DNAH11: variants seen among roughly 807,000 people sequenced by gnomAD.
The protein encoded by DNAH11 is dynein axonemal heavy chain 11.
DNAH11 carries 442 observed loss-of-function variants against 526.0 expected under a neutral mutation model. The ratio of observed to expected loss-of-function variants is 0.84; its 90% CI spans 0.78 to 0.91. The LOEUF is 0.91. Ranked by LOEUF, DNAH11 falls within the 40% of genes least tolerant of loss-of-function variation. The pLI, the probability that DNAH11 is intolerant of heterozygous loss-of-function variation, is 0.00. For missense variants in DNAH11, 6,989 were observed against 5,448.7 expected (o/e 1.28, Z -8.90); for synonymous variants, 2,461 against 1,935.9 (o/e 1.27, Z -7.12).
chr7:21,762,719 A>G (rs1786975999), intron 54 of DNAH11, among the ~76,000 whole-genome samples: 1 of 152,198 alleles, frequency 6.6e-6, no homozygotes, highest in Admixed American at 6.5e-5. Flanking sequence ...AAAAAATGAA[A>G]TTGGACCTTG....
At chr7:21,767,488 G>A (rs1309726138) in intron 55 of DNAH11, among the ~76,000 whole-genome samples, 2 of 152,272 alleles carry the variant, frequency 1.3e-5, no homozygotes, top group African/African-American at 4.8e-5. Context: ...GACTTGCATC[G>A]TGTTAAGTCC....
chr7:21,730,067 A>G (rs189330785), intron 45 of DNAH11, among the ~76,000 whole-genome samples: 6 of 152,380 alleles, frequency 3.9e-5, no homozygotes, highest in East Asian at 1.9e-4. Flanking sequence ...GGAAAACAGT[A>G]TGGAGGTTCC....
intron 48 of DNAH11, 81 bp downstream of exon 48, chr7:21,739,754 C>A: frequency 9.2e-7 from 1 of 1,083,026 alleles, no homozygotes; most frequent in Non-Finnish European, 1.4e-6. Context: ...TCCTATGGGA[C>A]ATCTTGTTAA....
chr7:21,828,763 T>TG (rs1356199780), intron 65 of DNAH11, among the ~76,000 whole-genome samples: 2 of 149,400 alleles, frequency 1.3e-5, no homozygotes, highest in Non-Finnish European at 3.0e-5. Context: ...TTTCTGGGTT[T>TG]TTTTTTTTTT....
intron 44 of DNAH11, 134 bp from the exon 45 acceptor site, chr7:21,725,677 C>T (rs1229650077): frequency 3.7e-6 from 3 of 811,950 alleles, no homozygotes; most frequent in African/African-American, 1.7e-5. Flanking sequence ...AATTATTTCA[C>T]AAAATTTGTG....
chr7:21,568,291 C>T lies in DNAH11; in HGVS notation c.1195-1778C>T, dbSNP rs1361693560. ...GTTTGTGCTGGTACCATTGAGTGTG[C>T]GATGATAGAGCTGGTGTGGTTAGGC... On this transcript the variant is annotated intron_variant, in intron 6 of 81. Transcript: ENST00000409508. Among the ~76,000 whole-genome samples, 14 of 152,112 alleles carry T rather than the reference C, an allele frequency of 9.2e-5. No individual in the cohort carries two copies. The East Asian group carries it at 2.7e-3, about 29-fold the overall frequency.
chr7:21,576,230 G>A (rs1297716872), intron 8 of DNAH11, among the ~76,000 whole-genome samples: 1 of 152,178 alleles, frequency 6.6e-6, no homozygotes, highest in Non-Finnish European at 1.5e-5. Flanking sequence ...GAAGGACAGC[G>A]ATTCATCTTG....
intron 70 of DNAH11, among the ~76,000 whole-genome samples, chr7:21,864,922 C>G (rs1783215737): frequency 6.6e-6 from 1 of 152,238 alleles, no homozygotes. Context: ...TGATAAAAGC[C>G]AAGTGATACA....
At chr7:21,552,271 T>G (rs2128428006) in intron 2 of DNAH11, among the ~76,000 whole-genome samples, 1 of 152,288 alleles carries the variant, frequency 6.6e-6, no homozygotes, top group East Asian at 1.9e-4. Flanking sequence ...TTGCAAGGGG[T>G]CGGGTTTCTC....
chr7:21,705,519 A>T lies in DNAH11; in HGVS notation c.6528A>T (p.Ala2176=), dbSNP rs1484735252. 1 of 1,613,566 alleles carries T rather than the reference A, an allele frequency of 6.2e-7. No individual in the cohort carries two copies. Among genetic ancestry groups the T allele is most frequent in the South Asian group, 1.1e-5 (1 of 91,062 alleles). ...VRHSVFVVGN[A]GTGKSKILRT... ...ACTCGGTCTTTGTAGTTGGAAATGC[A>T]GGCACAGGAAAGAGTAAGGTATAGT... Residue 2176 remains alanine (A), a synonymous_variant, in exon 39 of 82, where the codon GCA becomes GCT. Coordinates refer to ENST00000409508, the MANE Select transcript of DNAH11 (RefSeq NM_001277115.2).
chr7:21,565,547 G>A (rs185932337), intron 6 of DNAH11, among the ~76,000 whole-genome samples: 18 of 152,284 alleles, frequency 1.2e-4, no homozygotes, highest in Middle Eastern at 3.4e-3. Context: ...GTATGAGGTT[G>A]CATTGTTAAT....
intron 14 of DNAH11, among the ~76,000 whole-genome samples, chr7:21,599,255 T>A (rs1005814207): frequency 6.6e-6 from 1 of 152,194 alleles, no homozygotes; most frequent in Admixed American, 6.5e-5. Context: ...CTGTTATTTT[T>A]TGACTTTTTA....
At chr7:21,559,494 A>G (rs1783362521) in intron 3 of DNAH11, 109 bp from the exon 4 acceptor site, 10 of 916,256 alleles carry the variant, frequency 1.1e-5, no homozygotes, top group Non-Finnish European at 1.6e-5. Flanking sequence ...ATTTTCAAGA[A>G]TTTATTTTTA....
intron 29 of DNAH11, among the ~76,000 whole-genome samples, chr7:21,656,287 A>G (rs1782012934): frequency 6.6e-6 from 1 of 152,206 alleles, no homozygotes; most frequent in South Asian, 2.1e-4. Flanking sequence ...CAACTCAGTG[A>G]CTGAGTCTGC....
rs899450588 is a variant in DNAH11 at position 21,591,241 on chromosome 7, C to G, written c.2331C>G (p.Leu777=). 13 of 1,592,894 alleles carry G rather than the reference C, an allele frequency of 8.2e-6. No individual in the cohort carries two copies. Among genetic ancestry groups the G allele is most frequent in the Non-Finnish European group, 1.0e-5 (12 of 1,169,032 alleles). The change falls in exon 14 of 82, where the codon CTC becomes CTG. Residue 777 remains leucine, a synonymous_variant. Coordinates refer to ENST00000409508, the MANE Select transcript of DNAH11 (RefSeq NM_001277115.2). ...VQGYNKLKQT[L]LEVEYPLIED... ...GGTATAATAAACTCAAACAGACGCT[C>G]CTGGAAGTTGAATACCCTCTGATTG...
At chr7:21,887,056 C>G (rs1158806540) in intron 76 of DNAH11, among the ~76,000 whole-genome samples, 1 of 152,216 alleles carries the variant, frequency 6.6e-6, no homozygotes, top group African/African-American at 2.4e-5. Context: ...ACTTCATCTG[C>G]AGGACATCTT....
At chr7:21,709,089 G>C (rs1784371419) in intron 40 of DNAH11, among the ~76,000 whole-genome samples, 1 of 152,070 alleles carries the variant, frequency 6.6e-6, no homozygotes, top group African/African-American at 2.4e-5. Context: ...TATACCTAAA[G>C]GAAAACAAAT....
chr7:21,645,829 A>T (rs1188671042), intron 28 of DNAH11, among the ~76,000 whole-genome samples: 1 of 152,114 alleles, frequency 6.6e-6, no homozygotes, highest in African/African-American at 2.4e-5. Context: ...TAAATGTGAA[A>T]GGTGAAACAA....
At chr7:21,819,858 C>A (rs926135623) in intron 65 of DNAH11, among the ~76,000 whole-genome samples, 3 of 152,146 alleles carry the variant, frequency 2.0e-5, no homozygotes, top group Non-Finnish European at 2.9e-5. Context: ...CAGTTTAATT[C>A]AAATTAATAA....
Sources: allele counts gnomAD v4.1 joint callset (sites outside exome capture counted in the v4.1 genomes callset), GRCh38; gene constraint gnomAD v4.1.1; transcripts MANE v1.5; gene names NCBI Gene and HGNC (gene_info 2026-07-23, HGNC 2026-07-21).